The following DNAH1 variants were observed in gnomAD, a reference collection of about 807,000 sequenced individuals.
DNAH1 encodes dynein axonemal heavy chain 1, also known as axonemal beta dynein heavy chain 1.
In DNAH1, 327 loss-of-function variants were observed where a neutral mutation model predicts 484.3. The observed-to-expected ratio is 0.68, with a 90% CI of 0.62 to 0.74. DNAH1 has a LOEUF of 0.74. Ranked by LOEUF, DNAH1 falls within the 30% of genes least tolerant of loss-of-function variation. The probability of loss-of-function intolerance (pLI) is 0.00; values close to 1 mark genes in which losing one functional copy is unlikely to be tolerated. For missense variants in DNAH1, 5,052 were observed against 5,546.8 expected (o/e 0.91, Z 2.83); for synonymous variants, 2,192 against 2,191.9 (o/e 1.00, Z 0.00).
chr3:52,331,097 T>C, intron 6 of DNAH1, 51 bp from the exon 7 acceptor site: 1 of 1,543,838 alleles, frequency 6.5e-7, no homozygotes, highest in South Asian at 1.2e-5. Flanking sequence ...CAGAGGCCCC[T>C]TCCTGCCCCC....
intron 16 of DNAH1, among the ~76,000 whole-genome samples, chr3:52,351,471 G>A (rs187467404): frequency 1.3e-5 from 2 of 152,332 alleles, no homozygotes; most frequent in East Asian, 1.9e-4. Context: ...ACTCCCCCAC[G>A]ACCAGCATCC....
chr3:52,388,388 C>G (rs764490571), intron 57 of DNAH1, 30 bp from the exon 58 acceptor site: 1 of 1,602,170 alleles, frequency 6.2e-7, no homozygotes, highest in Admixed American at 1.7e-5. Flanking sequence ...GGGTACTTGG[C>G]GAGCTAATCC....
intron 66 of DNAH1, 101 bp from the exon 67 acceptor site, chr3:52,394,364 T>G: frequency 1.8e-6 from 2 of 1,138,808 alleles, no homozygotes; most frequent in Non-Finnish European, 1.3e-6. Flanking sequence ...ACTCAGTTTC[T>G]CCAGGTGAGG....
At position 52,396,616 on chromosome 3, in the gene DNAH1, A is replaced by G. The variant is rs772998828; in HGVS notation, c.11431-2A>G. 33 of 1,608,102 alleles carry G rather than the reference A, an allele frequency of 2.1e-5. No homozygotes were observed. Among genetic ancestry groups the G allele is most frequent in the Non-Finnish European group, 2.5e-5 (29 of 1,176,254 alleles). ...ACCTCCCCTGCCTCCCACCTCCCCC[A>G]GGTGATGGAGTTCAAGTCTCTGCTG... On this transcript the variant is annotated splice_acceptor_variant, in intron 71 of 77. Coordinates refer to ENST00000420323, the MANE Select transcript of DNAH1 (RefSeq NM_015512.5). LOFTEE classifies it high-confidence loss of function.
chr3:52,360,484 C>T (rs1338416680), intron 28 of DNAH1, 60 bp downstream of exon 28: 15 of 1,420,658 alleles, frequency 1.1e-5, no homozygotes, highest in African/African-American at 7.0e-5. Flanking sequence ...TCTCTCTGGC[C>T]CAGGAATCCA....
Position 52,366,399 on chromosome 3 carries a change from G to A in DNAH1, c.5519-58G>A, listed in dbSNP as rs1304825582. 9 of 1,408,106 alleles carry A rather than the reference G, an allele frequency of 6.4e-6. No homozygotes were observed. In the East Asian group the frequency reaches 1.7e-4, roughly 27 times the overall value. The allele number at this position is 1,408,106 out of a possible 1,614,324, so 87.2% of individuals were successfully genotyped here. A position where few individuals can be genotyped will look rare whatever the true frequency, so the allele number is the denominator to read the frequency against. ...TCACCCAAGGTCACACAAGTTAGTGGTGTGGCCAGGACCCAAGCCCATGCT... is the reference window on the plus strand; with the variant it reads ...TCACCCAAGGTCACACAAGTTAGTGATGTGGCCAGGACCCAAGCCCATGCT... On this transcript the variant is annotated intron_variant, in intron 34 of 77. Coordinates refer to ENST00000420323, the MANE Select transcript of DNAH1 (RefSeq NM_015512.5).
intron 16 of DNAH1, among the ~76,000 whole-genome samples, chr3:52,351,251 C>A (rs1042293746): frequency 9.9e-5 from 15 of 152,190 alleles, no homozygotes; most frequent in African/African-American, 3.1e-4. Context: ...GCCTGGTGGG[C>A]AGTCCCTGGA....
rs1028506725 is a variant in DNAH1, at chr3:52,355,421, G to A, written c.3693+366G>A. ...CACTTTCTGGGCCGGATGTCCCAAGGTCCCAGAGCACCTCAGTGCCCTTTC... is the reference window on the plus strand; with the variant it reads ...CACTTTCTGGGCCGGATGTCCCAAGATCCCAGAGCACCTCAGTGCCCTTTC... On this transcript the variant is annotated intron_variant, in intron 21 of 77. Transcript: ENST00000420323. This position sits in a 1 kb window ranked among gnomAD's most constrained non-coding sequence, Gnocchi z 4.5. Among the ~76,000 whole-genome samples the A allele has an allele frequency of 3.7e-4, 57 of 152,360 alleles. No homozygotes were observed. The highest frequency in any genetic ancestry group is 1.2e-3 in the African/African-American group (50 of 41,588).
At position 52,397,722 on chromosome 3, in the gene DNAH1, A is replaced by G. The variant is rs752489565; in HGVS notation, c.11803A>G (p.Ile3935Val). 3 of 1,610,056 alleles carry G rather than the reference A, an allele frequency of 1.9e-6. No individual in the cohort carries two copies. The highest frequency in any genetic ancestry group is 1.7e-6 in the Non-Finnish European group (2 of 1,177,880). The change falls in exon 74 of 78, where the codon ATC becomes GTC. Residue 3935 changes from isoleucine to valine, a missense_variant. Physicochemically the swap from Ile to Val is conservative, Grantham distance 29 (BLOSUM62 3). Transcript: ENST00000420323. ...TCTCTCCTAGGGCTACCTCTCCTACATCAAGAGCCTCCCACTCAATGATAT... is the reference window on the plus strand; with the variant it reads ...TCTCTCCTAGGGCTACCTCTCCTACGTCAAGAGCCTCCCACTCAATGATAT... Reference protein sequence around the residue: ...TYDLHGYLSYIKSLPLNDMPE... With the variant: ...TYDLHGYLSYVKSLPLNDMPE...
At chr3:52,332,048 C>G in intron 7 of DNAH1, 94 bp from the exon 8 acceptor site, 1 of 1,453,014 alleles carries the variant, frequency 6.9e-7, no homozygotes, top group Non-Finnish European at 9.2e-7. Flanking sequence ...TGTTCAGGGC[C>G]ACTGGGCATC....
At chr3:52,398,341 G>A (rs974780343) in intron 75 of DNAH1, among the ~76,000 whole-genome samples, 179 bp downstream of exon 75, 6 of 152,190 alleles carry the variant, frequency 3.9e-5, no homozygotes, top group Admixed American at 6.5e-5. Flanking sequence ...GAGTGCAGCG[G>A]TATGATCTCA....
chr3:52,399,899 C>G (rs1437648338), intron 77 of DNAH1, 120 bp downstream of exon 77: 4 of 1,090,818 alleles, frequency 3.7e-6, no homozygotes, highest in Non-Finnish European at 5.3e-6. Context: ...AGATTTGGGC[C>G]AGGCCAGCAA....
At chr3:52,391,970 C>G (rs749826904) in intron 63 of DNAH1, among the ~76,000 whole-genome samples, 15 of 152,186 alleles carry the variant, frequency 9.9e-5, no homozygotes, top group Non-Finnish European at 2.1e-4. Flanking sequence ...CACACTCTGG[C>G]TCTTTGAATC....
Position 52,353,579 on chromosome 3 carries a change from C to T in DNAH1, c.3426C>T (p.Ile1142=), listed in dbSNP as rs781118318. Residue 1142 remains isoleucine (I), a synonymous_variant, in exon 20 of 78, where the codon ATC becomes ATT. Transcript: ENST00000420323. The surrounding 1 kb of genome is among the most constrained non-coding windows in gnomAD (Gnocchi z 5.0). ...RCLEMNLQDH[I]ESISKVAEVA... is the part of the protein sequence containing the mutation. ...TGGAGATGAACCTGCAGGACCATAT[C>T]GAGAGCATCAGCAAGGTGGCTGAGG... 6.8e-6 allele frequency: 11 copies of T among 1,612,240 alleles called. No individual in the cohort carries two copies. The highest frequency in any genetic ancestry group is 3.3e-5 in the South Asian group (3 of 90,752).
chr3:52,351,871 T>C lies in DNAH1; in HGVS notation c.2730-91T>C, dbSNP rs1578123450. The C allele has an allele frequency of 9.5e-6, 14 of 1,469,740 alleles. No homozygotes were observed. The South Asian group carries it at 1.1e-4, about 12-fold the overall frequency. 91.0% of individuals were successfully genotyped at this position (1,469,740 alleles called of 1,614,324 possible). A position where few individuals can be genotyped will look rare whatever the true frequency, so the allele number is the denominator to read the frequency against. The stretch of plus-strand genomic sequence containing the variant: ...CCTGAACCCCTTCTCACTGGCTGCC[T>C]GGGTGCCTGGTGGGATGCCCCTGCC... On this transcript the variant is annotated intron_variant, in intron 16 of 77. Coordinates refer to ENST00000420323, the MANE Select transcript of DNAH1 (RefSeq NM_015512.5).
rs2153224223 is a variant in DNAH1 at position 52,357,749 on chromosome 3, G to A, written c.3980+14G>A. 6.4e-7 allele frequency: 1 copy of A among 1,574,042 alleles called. No homozygotes were observed. Among genetic ancestry groups the A allele is most frequent in the East Asian group, 2.3e-5 (1 of 42,584 alleles). ...CGCCTTCCCCAGGTGGGCGCCACCT[G>A]GCCATGCCCACTCCGCCACTGTCTG... is the stretch of plus-strand genomic sequence containing the variant. On this transcript the variant is annotated intron_variant, in intron 23 of 77. Coordinates refer to ENST00000420323, the MANE Select transcript of DNAH1 (RefSeq NM_015512.5).
chr3:52,346,454 TGCCTGTG>T lies in DNAH1; in HGVS notation c.1657-14_1657-8del. On this transcript the variant is annotated splice_polypyrimidine_tract_variant and intron_variant, in intron 10 of 77. Transcript: ENST00000420323. ...GGTCCCCAGGGTGGCCATATGATGA[TGCCTGTG>T]GCCACTCTAGGTGCAGATGTTCCTC... is the stretch of plus-strand genomic sequence containing the variant. 1.3e-6 allele frequency: 2 copies of T among 1,596,946 alleles called. No homozygotes were observed. The highest frequency in any genetic ancestry group is 1.7e-6 in the Non-Finnish European group (2 of 1,170,806).
intron 43 of DNAH1, 58 bp downstream of exon 43, chr3:52,372,445 C>G: frequency 2.5e-6 from 4 of 1,594,500 alleles, no homozygotes; most frequent in Non-Finnish European, 3.4e-6. Context: ...GCCGATCCAG[C>G]TGCTGTCCCA....
chr3:52,344,473 C>T lies in DNAH1; in HGVS notation c.1287-17C>T, dbSNP rs758659410. 5.8e-5 allele frequency: 93 copies of T among 1,610,116 alleles called. No individual in the cohort carries two copies. In the Middle Eastern group the frequency reaches 9.9e-4, roughly 17 times the overall value. On this transcript the variant is annotated splice_polypyrimidine_tract_variant and intron_variant, in intron 8 of 77. Coordinates refer to ENST00000420323, the MANE Select transcript of DNAH1 (RefSeq NM_015512.5). The stretch of plus-strand genomic sequence containing the variant: ...TGTGGAGCCCCTGATTCCCCCATCT[C>T]CCATCTCTATGGGCAGGGTTCTAGA...
Sources: allele counts gnomAD v4.1 joint callset (sites outside exome capture counted in the v4.1 genomes callset), GRCh38; gene constraint gnomAD v4.1.1; non-coding constraint Gnocchi (gnomAD v3.1); transcripts MANE v1.5; gene names NCBI Gene and HGNC (gene_info 2026-07-23, HGNC 2026-07-21).